Variants in ZNF536 observed in about 807,000 individuals in gnomAD.
ZNF536 encodes the protein zinc finger protein 536.
In ZNF536, 13 loss-of-function variants were observed where a neutral mutation model predicts 84.5. The observed-to-expected ratio is 0.15, with a 90% CI of 0.10 to 0.24. The LOEUF (loss-of-function observed/expected upper bound fraction) is 0.24. Ranked by LOEUF, ZNF536 falls within the 10% of genes least tolerant of loss-of-function variation. ZNF536 has a pLI of 1.00. For missense variants in ZNF536, 1,536 were observed against 1,747.5 expected (o/e 0.88, Z 2.16); for synonymous variants, 811 against 742.5 (o/e 1.09, Z -1.50).
At chr19:30,691,695 C>T (rs1440357855) in intron 1 of ZNF536, among the ~76,000 whole-genome samples, 2 of 151,876 alleles carry the variant, frequency 1.3e-5, no homozygotes, top group African/African-American at 4.8e-5. Context: ...AACAGGCAAT[C>T]AAGCACAGAG....
At chr19:30,281,729 G>A (rs975023165) in intron 1 of ZNF536, among the ~76,000 whole-genome samples, 1 of 152,166 alleles carries the variant, frequency 6.6e-6, no homozygotes, top group Non-Finnish European at 1.5e-5. Context: ...CACTGAAAAC[G>A]CACCTGTGGA....
intron 1 of ZNF536, among the ~76,000 whole-genome samples, chr19:30,566,155 G>A (rs752642246): frequency 2.0e-5 from 3 of 152,158 alleles, no homozygotes; most frequent in Admixed American, 6.5e-5. Flanking sequence ...AGTCAGCCAC[G>A]GCTCCTAACC....
rs370690619 is a variant in ZNF536 at position 30,231,802 on chromosome 19, A to ATG, written c.-190+3147_-190+3148dup. On this transcript the variant is annotated intron_variant, in intron 1 of 5. Transcript: ENST00000585628. The stretch of plus-strand genomic sequence containing the variant: ...TGTGCTGGTGATGGTGGTGGTGGTG[A>ATG]TGTGTGTGTGTGTGTGTGTCTGTCT... 5.2e-3 allele frequency among the ~76,000 whole-genome samples: 780 copies of ATG among 149,770 alleles called. 5 individuals are homozygous for ATG. Among genetic ancestry groups the ATG allele is most frequent in the African/African-American group, 0.013 (543 of 40,854 alleles).
At chr19:30,437,010 A>G (rs865869912) in intron 1 of ZNF536, among the ~76,000 whole-genome samples, 3 of 152,246 alleles carry the variant, frequency 2.0e-5, no homozygotes, top group Admixed American at 6.5e-5. Flanking sequence ...GCTAGACAAC[A>G]ATACTTGATT....
At chr19:30,340,027 CCT>C in intron 2 of ZNF536, among the ~76,000 whole-genome samples, 2 of 152,290 alleles carry the variant, frequency 1.3e-5, no homozygotes, top group Middle Eastern at 6.8e-3. Context: ...TGAATCCTGT[CCT>C]GGGCCCGGGC....
intron 2 of ZNF536, among the ~76,000 whole-genome samples, chr19:30,342,426 A>T (rs939665354): frequency 2.0e-5 from 3 of 152,196 alleles, no homozygotes; most frequent in Non-Finnish European, 4.4e-5. Context: ...ACAAATGTGG[A>T]CTTGGGGTTG....
rs1275672693 is a variant in ZNF536 at position 30,625,055 on chromosome 19, A to G, written c.169+75541A>G. On this transcript the variant is annotated intron_variant, in intron 1 of 1. Coordinates refer to the ZNF536 transcript ENST00000592773. ...AAACCTCCTTTGTTTATAAATCACC[A>G]GGTCTTGGGCAGTATCTTTATAGCA... 2.6e-5 allele frequency among the ~76,000 whole-genome samples: 4 copies of G among 152,338 alleles called. No individual in the cohort carries two copies. The South Asian group carries it at 8.3e-4, about 32-fold the overall frequency.
rs568387737 is a variant in ZNF536 at position 30,682,338 on chromosome 19, A to T, written c.170-28419A>T. ...AAGAAAGGAGGAATCTATAAGAGACATGATGAGATGTACCGTTCGAATTGG... is the reference window on the plus strand; with the variant it reads ...AAGAAAGGAGGAATCTATAAGAGACTTGATGAGATGTACCGTTCGAATTGG... On this transcript the variant is annotated intron_variant, in intron 1 of 1. Coordinates refer to the ZNF536 transcript ENST00000592773. Among the ~76,000 whole-genome samples, 3 of 152,298 alleles carry T rather than the reference A, an allele frequency of 2.0e-5. No individual in the cohort carries two copies. The East Asian group carries it at 5.8e-4, about 29-fold the overall frequency.
intron 1 of ZNF536, among the ~76,000 whole-genome samples, chr19:30,400,519 T>C (rs536268237): frequency 6.6e-6 from 1 of 152,334 alleles, no homozygotes; most frequent in Non-Finnish European, 1.5e-5. Context: ...CCATGTCTTT[T>C]GCCTGTTTTC....
intron 1 of ZNF536, among the ~76,000 whole-genome samples, chr19:30,567,099 T>G (rs906077165): frequency 2.0e-5 from 3 of 152,216 alleles, no homozygotes; most frequent in Non-Finnish European, 2.9e-5. Context: ...TGCCTCACCT[T>G]GCGGGTGCTT....
chr19:30,424,739 C>A (rs1291895215), intron 1 of ZNF536, among the ~76,000 whole-genome samples: 1 of 152,292 alleles, frequency 6.6e-6, no homozygotes, highest in Non-Finnish European at 1.5e-5. Context: ...AATCACTTCT[C>A]CTTGACACAG....
chr19:30,269,424 GA>G (rs1267751914), intron 1 of ZNF536, among the ~76,000 whole-genome samples: 1 of 152,176 alleles, frequency 6.6e-6, no homozygotes, highest in Non-Finnish European at 1.5e-5. Flanking sequence ...CAGGGAGGGG[GA>G]GAGAATCCTA....
chr19:30,488,538 G>T (rs1454551631), intron 2 of ZNF536, among the ~76,000 whole-genome samples: 1 of 149,850 alleles, frequency 6.7e-6, no homozygotes, highest in East Asian at 2.0e-4. Context: ...AATTCAAAAA[G>T]GAAAATTATT....
intron 2 of ZNF536, among the ~76,000 whole-genome samples, chr19:30,497,275 C>T (rs779228441): frequency 6.6e-6 from 1 of 152,198 alleles, no homozygotes; most frequent in African/African-American, 2.4e-5. Context: ...CTGCCGGTGA[C>T]CTTTCTAGTG....
At chr19:30,585,621 G>A (rs1190206103) in intron 1 of ZNF536, among the ~76,000 whole-genome samples, 1 of 152,164 alleles carries the variant, frequency 6.6e-6, no homozygotes, top group Non-Finnish European at 1.5e-5. Flanking sequence ...GGGTTACCAA[G>A]CCTTTTATGC....
chr19:30,570,322 G>T (rs529405314), intron 1 of ZNF536, among the ~76,000 whole-genome samples: 13 of 152,286 alleles, frequency 8.5e-5, no homozygotes, highest in African/African-American at 3.1e-4. Flanking sequence ...GGGCTGGAAG[G>T]CAGGAACTTC....
chr19:30,577,777 G>A lies in ZNF536; in HGVS notation c.169+28263G>A, dbSNP rs140486820. Reference sequence around the variant, plus strand: ...TTTGAATCGCCAGTGGACTCATAAAGTACAATAAGCACCATTGTCCTGTCA... The same window carrying A: ...TTTGAATCGCCAGTGGACTCATAAAATACAATAAGCACCATTGTCCTGTCA... On this transcript the variant is annotated intron_variant, in intron 1 of 1. Coordinates refer to the ZNF536 transcript ENST00000592773. Among the ~76,000 whole-genome samples the A allele has an allele frequency of 4.8e-3, 736 of 152,292 alleles. 8 individuals are homozygous for A. Among genetic ancestry groups the A allele is most frequent in the African/African-American group, 0.017 (706 of 41,554 alleles).
chr19:30,366,362 C>CTCTA (rs10563588), intron 3 of ZNF536, among the ~76,000 whole-genome samples: 54,572 of 146,354 alleles, frequency 0.37, 10,357 homozygotes, highest in East Asian at 0.46. Context: ...CCTATCATAT[C>CTCTA]TCTATCTATC....
At chr19:30,711,250 A>G (rs1186431551) in exon 2 of ZNF536, 4 of 152,116 alleles carry the variant, frequency 2.6e-5, no homozygotes, top group Non-Finnish European at 5.9e-5. Flanking sequence ...GTGGGAGAAA[A>G]GTGATTTCAA....
Sources: gnomAD v4.1 joint callset for allele counts (sites outside exome capture counted in the v4.1 genomes callset) on GRCh38, gnomAD v4.1.1 for gene constraint, MANE v1.5 for transcripts, NCBI Gene and HGNC (gene_info 2026-07-23, HGNC 2026-07-21) for gene names.